LEMD2: variants seen among roughly 807,000 people sequenced by gnomAD.
The protein encoded by LEMD2 is LEM domain-containing protein 2.
A neutral mutation model predicts 58.8 loss-of-function variants in LEMD2; 34 were observed. The observed-to-expected ratio is 0.58, with a 90% CI of 0.44 to 0.77. LEMD2 has a LOEUF of 0.77. Ranked by LOEUF, LEMD2 falls within the 30% of genes least tolerant of loss-of-function variation. The probability of loss-of-function intolerance (pLI) is 0.00; values close to 1 mark genes in which losing one functional copy is unlikely to be tolerated. For synonymous variants in LEMD2, 298 were observed against 308.9 expected (o/e 0.96, Z 0.37); for missense variants, 629 against 717.9 (o/e 0.88, Z 1.42).
At position 33,788,407 on chromosome 6, in the gene LEMD2, G is replaced by C. The variant is rs747923541; in HGVS notation, c.710C>G (p.Ser237Ter). Residue 237 changes from serine (S) to a stop codon, truncating the protein, a stop_gained, in exon 1 of 9, where the codon TCA becomes TGA. Transcript: ENST00000293760. LOFTEE classifies it high-confidence loss of function. ...GTTGTCCTCCGCCTCCTGCGGCGCT[G>C]AGGGCTTGCCCATCTTCACCCAAAG... ...GILWVKMGKP[S>*]APQEAEDNMK... The C allele has an allele frequency of 1.3e-6, 2 of 1,584,102 alleles. No individual in the cohort carries two copies. Among genetic ancestry groups the C allele is most frequent in the Non-Finnish European group, 8.6e-7 (1 of 1,166,284 alleles).
chr6:33,788,714 C>CCGAGG lies in LEMD2; in HGVS notation c.398_402dup (p.Val135ProfsTer87). ...TCGTCCTCCTCGGAGCTGCCCCGGA[C>CCGAGG]CGAGGCGCGGCGCCTGAGTTGCGCC... On this transcript the variant is annotated frameshift_variant, in exon 1 of 9. Coordinates refer to ENST00000293760, the MANE Select transcript of LEMD2 (RefSeq NM_181336.4). LOFTEE classifies it high-confidence loss of function. 1 of 1,423,230 alleles carries CCGAGG rather than the reference C, an allele frequency of 7.0e-7. No individual in the cohort carries two copies. Among genetic ancestry groups the CCGAGG allele is most frequent in the Non-Finnish European group, 9.2e-7 (1 of 1,088,914 alleles). The allele number at this position is 1,423,230 out of a possible 1,614,324, so 88.2% of individuals were successfully genotyped here. A position where few individuals can be genotyped will look rare whatever the true frequency, so the allele number is the denominator to read the frequency against.
intron 6 of LEMD2, 110 bp from the exon 7 acceptor site, chr6:33,777,349 G>C (rs1164004498): frequency 2.5e-6 from 2 of 803,442 alleles, no homozygotes; most frequent in Non-Finnish European, 4.5e-6. Flanking sequence ...CATGGGTTTG[G>C]GTACCTACTA....
intron 8 of LEMD2, among the ~76,000 whole-genome samples, chr6:33,773,603 G>GGA (rs112082202): frequency 0.021 from 3,169 of 149,288 alleles, 70 homozygotes; most frequent in South Asian, 0.057. Flanking sequence ...GCGGGGGGGG[G>GGA]GCTAGGGCTT....
Position 33,788,582 on chromosome 6 carries a change from G to C in LEMD2, c.535C>G (p.Pro179Ala), listed in dbSNP as rs1767741353. The change falls in exon 1 of 9, where the codon CCC becomes GCC. Residue 179 changes from proline (P) to alanine (A), a missense_variant. Around this residue, in one of 2 missense-constraint regions of LEMD2, gnomAD observed 386 missense variants for 381.1 expected, o/e 1.01. Coordinates refer to ENST00000293760, the MANE Select transcript of LEMD2 (RefSeq NM_181336.4). ...GCCCGCAGGCCCGGGCGCGGGTCGG[G>C]ACCGAGGAGGGAGGAAGGCAGCCGC... ...PARLPSSLLG[P>A]DPRPGLRATR... 1 of 1,323,762 alleles carries C rather than the reference G, an allele frequency of 7.6e-7. No individual in the cohort carries two copies. The highest frequency in any genetic ancestry group is 1.5e-5 in the African/African-American group (1 of 64,644). The allele number at this position is 1,323,762 out of a possible 1,614,324, so 82.0% of individuals were successfully genotyped here. A position where few individuals can be genotyped will look rare whatever the true frequency, so the allele number is the denominator to read the frequency against.
rs143391461 is a variant in LEMD2, at chr6:33,778,588, G to A, written c.1011-201C>T. On this transcript the variant is annotated intron_variant, in intron 5 of 8. Transcript: ENST00000293760. The surrounding 1 kb of genome is among the most constrained non-coding windows in gnomAD (Gnocchi z 4.7). Reference sequence around the variant, plus strand: ...TTAGAATGAATAAAGCTTTAAAGACGGCAGCAGGCTTGAACCCCTACCGCT... The same window carrying A: ...TTAGAATGAATAAAGCTTTAAAGACAGCAGCAGGCTTGAACCCCTACCGCT... 707 of 410,366 alleles carry A rather than the reference G, an allele frequency of 1.7e-3. 1 individual carries two copies. Among genetic ancestry groups the A allele is most frequent in the Middle Eastern group, 7.4e-3 (12 of 1,630 alleles). 25.4% of individuals were successfully genotyped at this position (410,366 alleles called of 1,614,324 possible).
chr6:33,772,123 T>C lies in LEMD2; in HGVS notation c.*505A>G. On this transcript the variant is annotated 3_prime_UTR_variant, in exon 9 of 9. Transcript: ENST00000293760. ...TTCTAATTTCTAGCACCTTCCCTCT[T>C]CAGGATAGAGGCCCAGCCAGCCAGA... The C allele has an allele frequency of 6.5e-6, 1 of 155,036 alleles. No individual in the cohort carries two copies. Among genetic ancestry groups the C allele is most frequent in the Non-Finnish European group, 1.4e-5 (1 of 69,800 alleles). 9.6% of individuals were successfully genotyped at this position (155,036 alleles called of 1,614,324 possible).
At chr6:33,784,652 G>C in intron 2 of LEMD2, 2 of 489,970 alleles carry the variant, frequency 4.1e-6, no homozygotes, top group Non-Finnish European at 7.5e-6. Flanking sequence ...AGGCAAAGCT[G>C]AAAGCAGACA....
chr6:33,788,272 G>A (rs1479835536), intron 1 of LEMD2, 109 bp downstream of exon 1: 3 of 1,147,832 alleles, frequency 2.6e-6, no homozygotes, highest in South Asian at 1.6e-5. Flanking sequence ...GACAGTCAGA[G>A]GCAGCTGACA....
intron 3 of LEMD2, chr6:33,782,394 G>A (rs1767584870): frequency 6.6e-6 from 1 of 152,280 alleles, no homozygotes; most frequent in Non-Finnish European, 1.5e-5. Flanking sequence ...AAGCTCTGGT[G>A]GCCTGGCATC....
At chr6:33,783,557 C>T (rs1191073636) in intron 3 of LEMD2, among the ~76,000 whole-genome samples, 1 of 152,240 alleles carries the variant, frequency 6.6e-6, no homozygotes, top group African/African-American at 2.4e-5. Context: ...ACAAGGCGCA[C>T]ATGCTGATAT....
In LEMD2 at chr6:33,776,945, G is replaced by A. The variant is rs112565654; in HGVS notation, c.1361+9C>T. ...TACCTCACACCCAGCGCCCCAGCCA[G>A]GGACTCACCGGCTCTGTGGAGGGAT... On this transcript the variant is annotated intron_variant, in intron 8 of 8. Coordinates refer to ENST00000293760, the MANE Select transcript of LEMD2 (RefSeq NM_181336.4). 2,419 of 1,611,084 alleles carry A rather than the reference G, an allele frequency of 1.5e-3. 18 individuals carry two copies. The highest frequency in any genetic ancestry group is 0.014 in the African/African-American group (1,052 of 74,978).
Position 33,788,864 on chromosome 6 carries a change from C to CCCGCGGAGAGG in LEMD2, c.242_252dup (p.Ala85ProfsTer35). On this transcript the variant is annotated frameshift_variant, in exon 1 of 9. Transcript: ENST00000293760. LOFTEE classifies it high-confidence loss of function. ...GCCGGCTGGGAGAGCCAGGGCTCCG[C>CCCGCGGAGAGG]CCGCGGAGAGGCCGCGGCGGGCCGG... 7.2e-7 allele frequency: 1 copy of CCCGCGGAGAGG among 1,380,518 alleles called. No homozygotes were observed. Among genetic ancestry groups the CCCGCGGAGAGG allele is most frequent in the Non-Finnish European group, 9.3e-7 (1 of 1,074,964 alleles). 85.5% of individuals were successfully genotyped at this position (1,380,518 alleles called of 1,614,324 possible).
At chr6:33,776,717 G>A (rs1048438306) in intron 8 of LEMD2, 1 of 547,910 alleles carries the variant, frequency 1.8e-6, no homozygotes, top group African/African-American at 1.9e-5. Context: ...ACCACTGCCA[G>A]TGTTCTCTCT....
intron 6 of LEMD2, among the ~76,000 whole-genome samples, chr6:33,777,478 G>A (rs774751964): frequency 1.3e-5 from 2 of 152,204 alleles, no homozygotes; most frequent in African/African-American, 4.8e-5. Flanking sequence ...ATCCCCAGCC[G>A]TCCAGATCTC....
At chr6:33,786,191 A>C (rs903651531) in intron 2 of LEMD2, among the ~76,000 whole-genome samples, 7 of 74,188 alleles carry the variant, frequency 9.4e-5, no homozygotes, top group African/African-American at 2.6e-4. Flanking sequence ...ATGATTCATA[A>C]ATGGATGGGG....
intron 2 of LEMD2, 54 bp from the exon 3 acceptor site, chr6:33,784,481 G>A (rs1452468114): frequency 2.6e-5 from 21 of 796,216 alleles, no homozygotes; most frequent in South Asian, 1.0e-4. Flanking sequence ...GGAGGGGTCC[G>A]TCTGTCCATC....
At chr6:33,773,620 G>A (rs1392842971) in intron 8 of LEMD2, among the ~76,000 whole-genome samples, 1 of 150,684 alleles carries the variant, frequency 6.6e-6, no homozygotes, top group Non-Finnish European at 1.5e-5. Flanking sequence ...GCTTCCCCAG[G>A]GGTCAGGACC....
At position 33,780,154 on chromosome 6, in the gene LEMD2, T is replaced by C. The variant is rs564601936; in HGVS notation, c.956A>G (p.Lys319Arg). ...IANVTSSSSA[K>R]FEAALTWILS... is the part of the protein sequence containing the mutation. Reference sequence around the variant, plus strand: ...TATCCAGGTCAGTGCGGCTTCAAACTTGGCGGAGGAGCTGCTGGTCACATT... The same window carrying C: ...TATCCAGGTCAGTGCGGCTTCAAACCTGGCGGAGGAGCTGCTGGTCACATT... The change falls in exon 5 of 9, where the codon AAG (lysine) becomes AGG (arginine). Residue 319 changes from lysine to arginine, a missense_variant. By Grantham distance (26) the Lys-to-Arg change is conservative. Transcript: ENST00000293760. 6 of 1,594,826 alleles carry C rather than the reference T, an allele frequency of 3.8e-6. No homozygotes were observed. Among genetic ancestry groups the C allele is most frequent in the South Asian group, 3.4e-5 (3 of 88,000 alleles).
intron 6 of LEMD2, 53 bp from the exon 7 acceptor site, chr6:33,777,292 C>T: frequency 8.1e-7 from 1 of 1,241,856 alleles, no homozygotes; most frequent in Non-Finnish European, 1.2e-6. Flanking sequence ...GGCAGTGGGT[C>T]TCACCATGGA....
Sources: allele counts gnomAD v4.1 joint callset (sites outside exome capture counted in the v4.1 genomes callset), GRCh38; gene constraint gnomAD v4.1.1; regional missense constraint gnomAD v4.1.1; non-coding constraint Gnocchi (gnomAD v3.1); transcripts MANE v1.5; gene names NCBI Gene and HGNC (gene_info 2026-07-23, HGNC 2026-07-21).